Variants in CTR9 observed in about 807,000 individuals in gnomAD.
CTR9 encodes the protein RNA polymerase-associated protein CTR9 homolog.
Under a neutral mutation model 152.1 loss-of-function variants are expected in CTR9, and 41 were observed. That is an observed-to-expected ratio of 0.27 (90% CI 0.21 to 0.35). The LOEUF (loss-of-function observed/expected upper bound fraction) is 0.35. Among genes scored for constraint, CTR9 ranks in the 10% least tolerant of loss-of-function variants. The pLI is 1.00. For missense variants in CTR9, 917 were observed against 1,424.4 expected (o/e 0.64, Z 5.73); for synonymous variants, 476 against 496.2 (o/e 0.96, Z 0.54).
rs1056818105 is a variant in CTR9, at chr11:10,775,370, C to T, written c.2982+67C>T. The T allele has an allele frequency of 1.1e-5, 16 of 1,445,192 alleles. No individual in the cohort carries two copies. In the Admixed American group the frequency reaches 2.8e-4, roughly 25 times the overall value. 89.5% of individuals were successfully genotyped at this position (1,445,192 alleles called of 1,614,324 possible). A position where few individuals can be genotyped will look rare whatever the true frequency, so the allele number is the denominator to read the frequency against. On this transcript the variant is annotated intron_variant, in intron 23 of 24. Coordinates refer to ENST00000361367, the MANE Select transcript of CTR9 (RefSeq NM_014633.5). Reference sequence around the variant, plus strand: ...TGAAAGATTGCAGTACACTAGAATACATTCTTTCCTTGCAGCTTTCTCAAG... The same window carrying T: ...TGAAAGATTGCAGTACACTAGAATATATTCTTTCCTTGCAGCTTTCTCAAG...
At chr11:10,751,800 G>A (rs1485327317) in intron 1 of CTR9, among the ~76,000 whole-genome samples, 1 of 152,168 alleles carries the variant, frequency 6.6e-6, no homozygotes, top group African/African-American at 2.4e-5. Context: ...AGATTACAGA[G>A]GTGGGCGCTG....
chr11:10,753,840 G>A (rs1006347847), intron 2 of CTR9, among the ~76,000 whole-genome samples: 4 of 152,020 alleles, frequency 2.6e-5, no homozygotes, highest in Admixed American at 6.6e-5. Context: ...AAGAATGTAG[G>A]CTTTGGGGTT....
intron 24 of CTR9, among the ~76,000 whole-genome samples, chr11:10,776,068 A>ATTAT (rs578083587): frequency 0.016 from 2,450 of 152,044 alleles, 37 homozygotes; most frequent in Middle Eastern, 0.024. Context: ...ATTTCTTTTT[A>ATTAT]TTATTTATTT....
chr11:10,774,394 GT>G, intron 22 of CTR9: 1 of 377,240 alleles, frequency 2.7e-6, no homozygotes, highest in Non-Finnish European at 4.8e-6. Flanking sequence ...AGCGCTGCAA[GT>G]TAGTCATAAT....
intron 12 of CTR9, among the ~76,000 whole-genome samples, chr11:10,765,997 A>G (rs1863053370): frequency 6.6e-6 from 1 of 152,162 alleles, no homozygotes; most frequent in Admixed American, 6.5e-5. Context: ...CAGATCTTCT[A>G]AGTAGTAATA....
intron 4 of CTR9, among the ~76,000 whole-genome samples, chr11:10,756,154 T>C (rs1348373210): frequency 6.6e-6 from 1 of 152,002 alleles, no homozygotes; most frequent in African/African-American, 2.4e-5. Flanking sequence ...CAAAAAATAA[T>C]TTTTTCAAAA....
intron 6 of CTR9, among the ~76,000 whole-genome samples, chr11:10,760,992 G>A (rs1862967285): frequency 6.6e-6 from 1 of 152,184 alleles, no homozygotes; most frequent in Admixed American, 6.5e-5. Context: ...CTTATATTGA[G>A]AAGGAAGCTC....
At chr11:10,763,019 A>AAG (rs1554944580) in intron 7 of CTR9, among the ~76,000 whole-genome samples, 1 of 151,724 alleles carries the variant, frequency 6.6e-6, no homozygotes. Context: ...AAAAAAAAAA[A>AAG]AAGTGCGCTT....
In CTR9 at chr11:10,755,714, G is replaced by C; in HGVS notation, c.421G>C (p.Glu141Gln). Residue 141 changes from glutamate to glutamine, a missense_variant, in exon 4 of 25, where the codon GAG becomes CAG. By Grantham distance (29) the Glu-to-Gln change is conservative (BLOSUM62 2). Around this residue, in one of 9 missense-constraint regions of CTR9, gnomAD observed 110 missense variants for 149.5 expected, o/e 0.74. Coordinates refer to ENST00000361367, the MANE Select transcript of CTR9 (RefSeq NM_014633.5). ...LLGRACFCLL[E>Q]GDKMDQADAQ... is the part of the protein sequence containing the mutation. ...GGGAAGAGCCTGCTTCTGCCTACTT[G>C]AGGGTGACAAAATGGATCAAGCTGA... 6.2e-7 allele frequency: 1 copy of C among 1,613,372 alleles called. No individual in the cohort carries two copies.
rs752220221 is a variant in CTR9 at position 10,766,422 on chromosome 11, A to G, written c.1618A>G (p.Met540Val). The G allele has an allele frequency of 1.9e-6, 3 of 1,610,160 alleles. No individual in the cohort carries two copies. The highest frequency in any genetic ancestry group is 2.2e-5 in the South Asian group (2 of 89,736). Residue 540 changes from methionine to valine, a missense_variant, in exon 13 of 25, where the codon ATG (methionine) becomes GTG (valine). Around this residue, in one of 9 missense-constraint regions of CTR9, gnomAD observed 87 missense variants for 235.7 expected, o/e 0.37. Coordinates refer to ENST00000361367, the MANE Select transcript of CTR9 (RefSeq NM_014633.5). ...YVDCYLRLGAMARDKGNFYEA... is the reference protein window; with the variant it reads ...YVDCYLRLGAVARDKGNFYEA... ...TTCAGGCTATTTGCGCCTAGGAGCC[A>G]TGGCTAGAGATAAGGGAAACTTTTA...
rs1590019698 is a variant in CTR9, at chr11:10,760,319, G to A, written c.739G>A (p.Glu247Lys). The change falls in exon 6 of 25, where the codon GAG becomes AAG. Residue 247 changes from glutamate to lysine, a missense_variant and splice_region_variant. This residue lies in a region of CTR9 where 110 missense variants were observed against 149.5 expected (regional missense o/e 0.74). Transcript: ENST00000361367. ...GLAVLELNNK[E>K]ADSIKNGVQL... Reference sequence around the variant, plus strand: ...GGCTGTTCTAGAACTCAACAATAAAGAGGTATGTAAATGAAAAAAGTATCT... The same window carrying A: ...GGCTGTTCTAGAACTCAACAATAAAAAGGTATGTAAATGAAAAAAGTATCT... The A allele has an allele frequency of 6.2e-7, 1 of 1,611,982 alleles. No homozygotes were observed. The highest frequency in any genetic ancestry group is 8.5e-7 in the Non-Finnish European group (1 of 1,178,636).
Position 10,773,151 on chromosome 11 carries a change from G to A in CTR9, c.2605G>A (p.Glu869Lys). The change falls in exon 21 of 25, where the codon GAA (glutamate) becomes AAA (lysine). Residue 869 changes from glutamate (E) to lysine (K), a missense_variant. Coordinates refer to ENST00000361367, the MANE Select transcript of CTR9 (RefSeq NM_014633.5). Reference protein sequence around the residue: ...EQEEKRLREKEEQKKLLEQRA... With the variant: ...EQEEKRLREKKEQKKLLEQRA... The stretch of plus-strand genomic sequence containing the variant: ...GGAAGAGAAACGTCTCAGAGAAAAG[G>A]AAGAGCAAAAGAAACTTTTGGAACA... 6.2e-7 allele frequency: 1 copy of A among 1,606,990 alleles called. No individual in the cohort carries two copies. Among genetic ancestry groups the A allele is most frequent in the Non-Finnish European group, 8.5e-7 (1 of 1,178,556 alleles).
In CTR9 at chr11:10,770,558, C is replaced by T. The variant is rs1863128073; in HGVS notation, c.2298C>T (p.Thr766=). Reference sequence around the variant, plus strand: ...CCTTGGTCCTGCAAAGATTAGCTACCTCTGTCCTGAAAGATGAAAAAAGTA... The same window carrying T: ...CCTTGGTCCTGCAAAGATTAGCTACTTCTGTCCTGAAAGATGAAAAAAGTA... The part of the protein sequence containing the change: ...NVALVLQRLA[T]SVLKDEKSNL... The change falls in exon 18 of 25, where the codon ACC becomes ACT. Residue 766 remains threonine, a synonymous_variant. Coordinates refer to ENST00000361367, the MANE Select transcript of CTR9 (RefSeq NM_014633.5). 3 of 1,613,810 alleles carry T rather than the reference C, an allele frequency of 1.9e-6. No homozygotes were observed. Among genetic ancestry groups the T allele is most frequent in the Non-Finnish European group, 2.5e-6 (3 of 1,179,940 alleles).
intron 2 of CTR9, 141 bp downstream of exon 2, chr11:10,752,911 T>A: frequency 1.5e-6 from 1 of 674,320 alleles, no homozygotes; most frequent in Non-Finnish European, 2.5e-6. Flanking sequence ...TGTTAATAAT[T>A]TATGGAACAA....
At chr11:10,762,988 A>T (rs1255193926) in intron 7 of CTR9, among the ~76,000 whole-genome samples, 1 of 151,284 alleles carries the variant, frequency 6.6e-6, no homozygotes, top group Non-Finnish European at 1.5e-5. Context: ...AGCCCATGCA[A>T]CAGAGTGAGA....
intron 1 of CTR9, 128 bp from the exon 2 acceptor site, chr11:10,752,544 C>T (rs1862821421): frequency 1.5e-6 from 1 of 659,110 alleles, no homozygotes; most frequent in Admixed American, 2.4e-5. Flanking sequence ...CATGGATTAG[C>T]TCAACCGTAT....
rs1273133919 is a variant in CTR9 at position 10,768,140 on chromosome 11, C to T, written c.1939C>T (p.Leu647=). ...KQVLRNDAKN[L]YAANGIGAVL... is the part of the protein sequence containing the mutation. ...AGTACTCAGAAATGATGCAAAGAAT[C>T]TGTATGCTGCCAATGGCATAGGTGA... The change falls in exon 15 of 25, where the codon CTG becomes TTG. Residue 647 remains leucine (L), a synonymous_variant. Coordinates refer to ENST00000361367, the MANE Select transcript of CTR9 (RefSeq NM_014633.5). The T allele has an allele frequency of 1.2e-6, 2 of 1,613,876 alleles. No homozygotes were observed.
chr11:10,759,299 C>T (rs1392017807), intron 5 of CTR9, among the ~76,000 whole-genome samples: 1 of 152,248 alleles, frequency 6.6e-6, no homozygotes, highest in Non-Finnish European at 1.5e-5. Context: ...TAAAATGTTT[C>T]CAGAAGAAGA....
chr11:10,770,902 T>C (rs1863133443), intron 18 of CTR9, among the ~76,000 whole-genome samples: 1 of 152,236 alleles, frequency 6.6e-6, no homozygotes, highest in Non-Finnish European at 1.5e-5. Flanking sequence ...ACTGGCTGGC[T>C]AGCTTTGCAA....
Sources: allele counts gnomAD v4.1 joint callset (sites outside exome capture counted in the v4.1 genomes callset), GRCh38; gene constraint gnomAD v4.1.1; regional missense constraint gnomAD v4.1.1; transcripts MANE v1.5; gene names NCBI Gene and HGNC (gene_info 2026-07-23, HGNC 2026-07-21).